The following RANBP2 variants were observed in gnomAD, a reference collection of about 807,000 sequenced individuals.
RANBP2 encodes RAN binding protein 2, also known as E3 SUMO-protein ligase RanBP2.
In RANBP2, 57 loss-of-function variants were observed where a neutral mutation model predicts 303.6. The ratio of observed to expected loss-of-function variants is 0.19; its 90% confidence interval spans 0.15 to 0.23. The LOEUF (loss-of-function observed/expected upper bound fraction) is 0.23, where lower values mean the gene tolerates loss of function less well. RANBP2 is among the 10% of genes least tolerant of loss of function. The probability of loss-of-function intolerance (pLI) is 1.00; values close to 1 mark genes in which losing one functional copy is unlikely to be tolerated. For missense variants in RANBP2, 3,138 were observed against 3,780.8 expected (o/e 0.83, Z 4.46); for synonymous variants, 1,167 against 1,301.5 (o/e 0.90, Z 2.23).
the RANBP2 span, among the ~76,000 whole-genome samples, chr2:109,479,438 G>A: frequency 6.8e-4 from 104 of 152,260 alleles, no homozygotes; most frequent in Non-Finnish European, 1.3e-3. Flanking sequence ...AGTTCAGTAG[G>A]AACATTTCTT....
chr2:109,251,294 A>C, the RANBP2 span: 1 of 395,908 alleles, frequency 2.5e-6, no homozygotes, highest in Non-Finnish European at 4.8e-6. Flanking sequence ...GGCGTGAGCC[A>C]CCATGCCCGG....
chr2:108,972,642 C>T, the RANBP2 span, among the ~76,000 whole-genome samples: 1 of 152,264 alleles, frequency 6.6e-6, no homozygotes, highest in African/African-American at 2.4e-5. Context: ...GTGTCTTCCC[C>T]ACTCTGCTTG....
At chr2:108,794,543 C>G in the RANBP2 span, 1 of 1,593,314 alleles carries the variant, frequency 6.3e-7, no homozygotes, top group Non-Finnish European at 8.5e-7. Flanking sequence ...TTTGCAGTTG[C>G]CTTGCCAACT....
At chr2:108,977,736 C>T in the RANBP2 span, among the ~76,000 whole-genome samples, 1 of 152,166 alleles carries the variant, frequency 6.6e-6, no homozygotes, top group Non-Finnish European at 1.5e-5. Flanking sequence ...GAACAGAAGG[C>T]CTCAGAGCTG....
the RANBP2 span, among the ~76,000 whole-genome samples, chr2:109,382,179 T>A: frequency 2.6e-5 from 4 of 152,160 alleles, no homozygotes; most frequent in African/African-American, 9.7e-5. Context: ...TTAGCAAGAG[T>A]GTGGCTTTCT....
At chr2:109,079,658 C>T in the RANBP2 span, among the ~76,000 whole-genome samples, 1 of 152,182 alleles carries the variant, frequency 6.6e-6, no homozygotes, top group African/African-American at 2.4e-5. Flanking sequence ...TTGAGAAGCT[C>T]CAGTGCTAAA....
the RANBP2 span, chr2:109,491,005 G>C: frequency 9.6e-6 from 13 of 1,352,800 alleles, no homozygotes; most frequent in Admixed American, 1.8e-4. Flanking sequence ...AGCCACCTTC[G>C]GGGAGCAGGG....
the RANBP2 span, among the ~76,000 whole-genome samples, chr2:109,009,096 T>C: frequency 1.3e-5 from 2 of 151,696 alleles, no homozygotes; most frequent in Non-Finnish European, 2.9e-5. Flanking sequence ...TCCCAGCACT[T>C]TGGGAGGCCG....
intron 4 of RANBP2, among the ~76,000 whole-genome samples, chr2:108,732,220 T>A (rs1438624728): frequency 6.6e-6 from 1 of 152,162 alleles, no homozygotes; most frequent in African/African-American, 2.4e-5. Flanking sequence ...TTTGAAATAA[T>A]TATAGATTTT....
chr2:109,268,207 A>G, the RANBP2 span, among the ~76,000 whole-genome samples: 2 of 151,748 alleles, frequency 1.3e-5, no homozygotes, highest in African/African-American at 4.8e-5. Context: ...GAATAGGTTT[A>G]TCTTCCCCAG....
the RANBP2 span, among the ~76,000 whole-genome samples, chr2:109,014,072 A>G: frequency 6.6e-5 from 10 of 152,324 alleles, no homozygotes; most frequent in East Asian, 1.9e-3. Flanking sequence ...TTTGATATGC[A>G]TTGTTTACCA....
chr2:109,035,340 C>T, the RANBP2 span, among the ~76,000 whole-genome samples: 1 of 152,068 alleles, frequency 6.6e-6, no homozygotes, highest in South Asian at 2.1e-4. Context: ...CCCAGACACT[C>T]CCTCTTACAG....
At chr2:109,361,993 T>C in the RANBP2 span, among the ~76,000 whole-genome samples, 3 of 152,152 alleles carry the variant, frequency 2.0e-5, no homozygotes, top group East Asian at 5.8e-4. Flanking sequence ...AAGCATATGA[T>C]TTTTATTGAT....
the RANBP2 span, among the ~76,000 whole-genome samples, chr2:109,574,977 G>T: frequency 6.6e-6 from 1 of 152,200 alleles, no homozygotes; most frequent in East Asian, 1.9e-4. Flanking sequence ...GTTATATCCT[G>T]ATAAATCCAT....
At chr2:109,664,878 C>T in the RANBP2 span, among the ~76,000 whole-genome samples, 1 of 150,920 alleles carries the variant, frequency 6.6e-6, no homozygotes, top group Non-Finnish European at 1.5e-5. Flanking sequence ...TTTAGTAAGC[C>T]AAGATCACGC....
chr2:109,154,601 C>T, the RANBP2 span, among the ~76,000 whole-genome samples: 1 of 152,214 alleles, frequency 6.6e-6, no homozygotes, highest in Admixed American at 6.5e-5. Context: ...TCACAGTGCC[C>T]TGGGGTCTGT....
the RANBP2 span, among the ~76,000 whole-genome samples, chr2:109,733,303 A>G: frequency 6.6e-6 from 1 of 152,164 alleles, no homozygotes; most frequent in Non-Finnish European, 1.5e-5. Context: ...AGTACATCAC[A>G]TTATTTGAAC....
chr2:109,074,659 C>T, the RANBP2 span, among the ~76,000 whole-genome samples: 3 of 149,886 alleles, frequency 2.0e-5, no homozygotes, highest in Admixed American at 6.6e-5. Context: ...AAGATCACAC[C>T]GCTAGACTCC....
chr2:109,401,676 C>T, the RANBP2 span, among the ~76,000 whole-genome samples: 1 of 152,218 alleles, frequency 6.6e-6, no homozygotes, highest in African/African-American at 2.4e-5. Context: ...GCCACTTTCC[C>T]ACAGGCCCCT....
Sources: gnomAD v4.1 joint callset for allele counts (sites outside exome capture counted in the v4.1 genomes callset) on GRCh38, gnomAD v4.1.1 for gene constraint, MANE v1.5 for transcripts, NCBI Gene and HGNC (gene_info 2026-07-23, HGNC 2026-07-21) for gene names.